EPM2A: variants seen among roughly 807,000 people sequenced by gnomAD.
The protein encoded by EPM2A is EPM2A glucan phosphatase, laforin.
A neutral mutation model predicts 26.5 loss-of-function variants in EPM2A; 21 were observed. The ratio of observed to expected loss-of-function variants is 0.79; its 90% confidence interval spans 0.56 to 1.14. The LOEUF (loss-of-function observed/expected upper bound fraction) is 1.14. Among genes scored for constraint, EPM2A ranks in the 50% most tolerant of loss-of-function variants. The pLI is 0.00. For missense variants in EPM2A, 458 were observed against 440.8 expected (o/e 1.04, Z -0.35); for synonymous variants, 217 against 177.6 (o/e 1.22, Z -1.76).
Position 145,735,389 on chromosome 6 carries a change from G to T in EPM2A, c.110C>A (p.Ala37Asp). The T allele has an allele frequency of 2.0e-5, 12 of 597,032 alleles. No individual in the cohort carries two copies. The highest frequency in any genetic ancestry group is 2.4e-5 in the Non-Finnish European group (11 of 451,726). The allele number at this position is 597,032 out of a possible 1,614,324, so 37.0% of individuals were successfully genotyped here. Residue 37 changes from alanine to aspartate, a missense_variant, in exon 1 of 4, where the codon GCC becomes GAC. Ala to Asp is a moderately radical substitution (Grantham distance 126). Coordinates refer to ENST00000367519, the MANE Select transcript of EPM2A (RefSeq NM_005670.4). The stretch of plus-strand genomic sequence containing the variant: ...GGTGCCGGCCGGCCTCAGGCGGACG[G>T]CACCGCGCGGCTCCCAACGCCCCAG... Reference protein sequence around the residue: ...PELGRWEPRGAVRLRPAGTAA... With the variant: ...PELGRWEPRGDVRLRPAGTAA...
At chr6:145,547,289 T>C (rs1305274378) in intron 2 of EPM2A, among the ~76,000 whole-genome samples, 1 of 152,128 alleles carries the variant, frequency 6.6e-6, no homozygotes, top group Non-Finnish European at 1.5e-5. Flanking sequence ...CTCCATCTCC[T>C]TGGTCTTTTC....
chr6:145,551,460 C>A (rs1010453359), intron 2 of EPM2A, among the ~76,000 whole-genome samples: 5 of 151,812 alleles, frequency 3.3e-5, no homozygotes, highest in African/African-American at 1.2e-4. Flanking sequence ...AAAGCAGATA[C>A]CTAAATGACA....
At chr6:145,441,889 A>G (rs2114701163) in intron 4 of EPM2A, among the ~76,000 whole-genome samples, 1 of 152,200 alleles carries the variant, frequency 6.6e-6, no homozygotes. Context: ...AAAAACAAAA[A>G]CAAAAACTGA....
intron 4 of EPM2A, among the ~76,000 whole-genome samples, chr6:145,471,028 G>T (rs996474857): frequency 2.0e-5 from 3 of 152,114 alleles, no homozygotes; most frequent in Non-Finnish European, 4.4e-5. Context: ...GAAGTAGCAG[G>T]CTAGCTGATA....
chr6:145,716,068 A>G (rs1158089407), intron 1 of EPM2A, among the ~76,000 whole-genome samples: 1 of 152,202 alleles, frequency 6.6e-6, no homozygotes, highest in Non-Finnish European at 1.5e-5. Context: ...TAGGTTACTT[A>G]TACTATCAAA....
chr6:145,597,479 T>G (rs989655300), intron 2 of EPM2A, among the ~76,000 whole-genome samples: 6 of 151,986 alleles, frequency 3.9e-5, no homozygotes, highest in Non-Finnish European at 8.8e-5. Context: ...TTTTTTTTCT[T>G]TTTTTTGGTA....
intron 1 of EPM2A, among the ~76,000 whole-genome samples, chr6:145,706,156 T>C (rs540355882): frequency 1.3e-5 from 2 of 152,216 alleles, no homozygotes; most frequent in Non-Finnish European, 2.9e-5. Flanking sequence ...TAGTACTTTA[T>C]CAGTGTAAAT....
intron 2 of EPM2A, among the ~76,000 whole-genome samples, chr6:145,562,073 A>T (rs1358897916): frequency 6.7e-6 from 1 of 148,416 alleles, no homozygotes; most frequent in Non-Finnish European, 1.5e-5. Flanking sequence ...CAAAAAATAT[A>T]CATTTTTGAA....
chr6:145,599,553 T>A (rs1416481896), intron 2 of EPM2A, among the ~76,000 whole-genome samples: 6 of 152,042 alleles, frequency 3.9e-5, no homozygotes, highest in African/African-American at 1.4e-4. Context: ...TAGCATTCTC[T>A]TCTTTTTGGG....
chr6:145,655,856 T>G (rs1198630584), intron 2 of EPM2A, among the ~76,000 whole-genome samples: 2 of 152,216 alleles, frequency 1.3e-5, no homozygotes, highest in African/African-American at 4.8e-5. Flanking sequence ...CATGAATGTG[T>G]GACCCTGGAA....
intron 2 of EPM2A, 114 bp downstream of exon 2, chr6:145,686,008 C>A: frequency 1.1e-6 from 1 of 900,084 alleles, no homozygotes; most frequent in Non-Finnish European, 1.8e-6. Context: ...TACTACAGGC[C>A]TATAGACCCC....
chr6:145,686,594 C>T (rs1780934062), intron 1 of EPM2A, among the ~76,000 whole-genome samples: 2 of 152,086 alleles, frequency 1.3e-5, no homozygotes, highest in Admixed American at 1.3e-4. Context: ...CATTATGAAT[C>T]ACTTTGCAGC....
intron 4 of EPM2A, among the ~76,000 whole-genome samples, chr6:145,493,002 C>T (rs560227643): frequency 2.8e-4 from 42 of 152,294 alleles, no homozygotes; most frequent in Non-Finnish European, 5.4e-4. Flanking sequence ...ATTTCTCTGC[C>T]TCCTGTCCCT....
chr6:145,654,118 A>G (rs981767371), intron 2 of EPM2A, among the ~76,000 whole-genome samples: 13 of 152,048 alleles, frequency 8.5e-5, no homozygotes, highest in African/African-American at 3.1e-4. Flanking sequence ...TGATCTCAGA[A>G]CTCACTGTAT....
intron 1 of EPM2A, among the ~76,000 whole-genome samples, chr6:145,730,148 C>G (rs184833262): frequency 9.2e-5 from 14 of 152,280 alleles, no homozygotes; most frequent in Non-Finnish European, 1.9e-4. Context: ...AACCATGAGC[C>G]AATTAAACCT....
At chr6:145,586,500 T>C (rs1215217553) in intron 2 of EPM2A, among the ~76,000 whole-genome samples, 1 of 152,188 alleles carries the variant, frequency 6.6e-6, no homozygotes, top group Non-Finnish European at 1.5e-5. Context: ...TTTAGAACTG[T>C]TTATCCTTTT....
intron 4 of EPM2A, among the ~76,000 whole-genome samples, chr6:145,491,391 G>A (rs1562356333): frequency 6.6e-6 from 1 of 152,086 alleles, no homozygotes; most frequent in Non-Finnish European, 1.5e-5. Flanking sequence ...AACTCTATGC[G>A]GGCCCTGTGG....
chr6:145,704,380 A>C (rs899757479), intron 1 of EPM2A, among the ~76,000 whole-genome samples: 15 of 152,252 alleles, frequency 9.9e-5, no homozygotes, highest in Non-Finnish European at 1.3e-4. Flanking sequence ...ACTGCCACCC[A>C]GTGGAAACAG....
intron 4 of EPM2A, among the ~76,000 whole-genome samples, chr6:145,488,815 A>C (rs1200303124): frequency 2.6e-5 from 4 of 152,316 alleles, no homozygotes; most frequent in Non-Finnish European, 5.9e-5. Context: ...TTCAATCAAA[A>C]TAAAGTTTAC....
Sources: allele counts gnomAD v4.1 joint callset (sites outside exome capture counted in the v4.1 genomes callset), GRCh38; gene constraint gnomAD v4.1.1; transcripts MANE v1.5; gene names NCBI Gene and HGNC (gene_info 2026-07-23, HGNC 2026-07-21).